The following CDH4 variants were observed in gnomAD, a reference collection of about 807,000 sequenced individuals.
CDH4 encodes cadherin 4.
In CDH4, 33 loss-of-function variants were observed where a neutral mutation model predicts 86.0. That is an observed-to-expected ratio of 0.38 (90% confidence interval 0.29 to 0.51). The LOEUF (loss-of-function observed/expected upper bound fraction) is 0.51, where lower values mean the gene tolerates loss of function less well. Among genes scored for constraint, CDH4 ranks in the 20% least tolerant of loss-of-function variants. The pLI, the probability that CDH4 is intolerant of heterozygous loss-of-function variation, is 0.86. For missense variants in CDH4, 1,114 were observed against 1,307.4 expected (o/e 0.85, Z 2.28); for synonymous variants, 555 against 549.4 (o/e 1.01, Z -0.14).
intron 2 of CDH4, among the ~76,000 whole-genome samples, chr20:61,690,313 G>T (rs771032885): frequency 1.8e-4 from 27 of 152,120 alleles, no homozygotes; most frequent in Non-Finnish European, 2.6e-4. Flanking sequence ...CGTGTGTATT[G>T]TCACTCCCGG....
chr20:61,326,433 A>G (rs2084537276), intron 2 of CDH4, among the ~76,000 whole-genome samples: 1 of 152,274 alleles, frequency 6.6e-6, no homozygotes, highest in Non-Finnish European at 1.5e-5. Flanking sequence ...AAATCCTCCG[A>G]TAGTCTAGCC....
intron 2 of CDH4, among the ~76,000 whole-genome samples, chr20:61,352,425 G>T (rs1228454033): frequency 6.6e-6 from 1 of 152,164 alleles, no homozygotes; most frequent in Non-Finnish European, 1.5e-5. Context: ...TTTCCACAAT[G>T]CAGTGAGCAC....
chr20:61,613,718 A>G (rs894879275), intron 2 of CDH4, among the ~76,000 whole-genome samples: 2 of 152,018 alleles, frequency 1.3e-5, no homozygotes, highest in African/African-American at 2.4e-5. Context: ...GTTCCCCTTC[A>G]CTGCTTTCTA....
chr20:61,282,903 TGTGGC>T (rs1168788942), intron 2 of CDH4, among the ~76,000 whole-genome samples: 4 of 151,552 alleles, frequency 2.6e-5, no homozygotes, highest in African/African-American at 9.8e-5. Flanking sequence ...ACGCGTGTGC[TGTGGC>T]GTGTGTGATG....
At chr20:61,557,742 G>A (rs542800218) in intron 2 of CDH4, among the ~76,000 whole-genome samples, 39 of 141,370 alleles carry the variant, frequency 2.8e-4, no homozygotes, top group African/African-American at 7.7e-4. Context: ...GAGAAGGCTC[G>A]TTAAGGGCGT....
chr20:61,606,270 G>A (rs964562666), intron 2 of CDH4, among the ~76,000 whole-genome samples: 5 of 152,208 alleles, frequency 3.3e-5, no homozygotes, highest in African/African-American at 9.6e-5. Flanking sequence ...CCTCTGTGCC[G>A]GGCTCACTTC....
At chr20:61,683,768 T>C (rs1449366792) in intron 2 of CDH4, among the ~76,000 whole-genome samples, 1 of 152,264 alleles carries the variant, frequency 6.6e-6, no homozygotes, top group Non-Finnish European at 1.5e-5. Context: ...TCCTCTTCCT[T>C]CAAGCCAGGC....
At chr20:61,867,141 G>A (rs1297738255) in intron 6 of CDH4, among the ~76,000 whole-genome samples, 2 of 152,254 alleles carry the variant, frequency 1.3e-5, no homozygotes, top group Admixed American at 6.5e-5. Flanking sequence ...CTGGGCGCAT[G>A]CATGTTTGAC....
intron 9 of CDH4, among the ~76,000 whole-genome samples, chr20:61,917,819 A>C (rs113775234): frequency 2.0e-5 from 3 of 152,258 alleles, no homozygotes; most frequent in African/African-American, 7.2e-5. Context: ...TGATTTCTCC[A>C]TTACAAATGT....
intron 4 of CDH4, among the ~76,000 whole-genome samples, chr20:61,804,400 C>G (rs1389204222): frequency 6.6e-6 from 1 of 152,224 alleles, no homozygotes; most frequent in African/African-American, 2.4e-5. Context: ...GACCACCCCT[C>G]TCCGCCGTCC....
intron 5 of CDH4, among the ~76,000 whole-genome samples, chr20:61,850,051 C>T (rs1029195581): frequency 1.3e-5 from 2 of 152,196 alleles, no homozygotes; most frequent in African/African-American, 2.4e-5. Flanking sequence ...CACGTGTCAC[C>T]CTAAAGCCAG....
intron 2 of CDH4, among the ~76,000 whole-genome samples, chr20:61,702,371 A>G (rs1183646859): frequency 6.6e-6 from 1 of 152,218 alleles, no homozygotes; most frequent in Non-Finnish European, 1.5e-5. Flanking sequence ...TAGACGAGGC[A>G]GGAGCCACGT....
At chr20:61,821,173 C>A (rs1332273205) in intron 4 of CDH4, among the ~76,000 whole-genome samples, 2 of 150,284 alleles carry the variant, frequency 1.3e-5, no homozygotes, top group African/African-American at 2.5e-5. Flanking sequence ...ACACAGCCCC[C>A]ACCCCAGCCC....
At chr20:61,604,934 C>T (rs2086631171) in intron 2 of CDH4, among the ~76,000 whole-genome samples, 1 of 152,064 alleles carries the variant, frequency 6.6e-6, no homozygotes, top group Admixed American at 6.5e-5. Context: ...TTCCTGCTGT[C>T]ACCATCACCA....
intron 2 of CDH4, among the ~76,000 whole-genome samples, chr20:61,404,051 C>T (rs1030153517): frequency 2.0e-5 from 3 of 152,148 alleles, no homozygotes; most frequent in East Asian, 3.9e-4. Context: ...TTTCACATGC[C>T]GTTGATCAGA....
rs180792665 is a variant in CDH4, at chr20:61,886,543, C to T, written c.1051-8367C>T. On this transcript the variant is annotated intron_variant, in intron 7 of 15. Transcript: ENST00000614565. ...ACAGGAGCATGCATCCAGCAGGGCA[C>T]ACCCAGCTGTGCAGGACTCCCGCTG... 3.3e-5 allele frequency among the ~76,000 whole-genome samples: 5 copies of T among 152,344 alleles called. No individual in the cohort carries two copies. In the East Asian group the frequency reaches 7.7e-4, roughly 24 times the overall value.
At chr20:61,697,799 G>C (rs576350734) in intron 2 of CDH4, among the ~76,000 whole-genome samples, 1 of 152,328 alleles carries the variant, frequency 6.6e-6, no homozygotes, top group South Asian at 2.1e-4. Flanking sequence ...TCCTCTGTCC[G>C]AGAAGTGCTG....
At chr20:61,484,441 G>A (rs777923087) in intron 2 of CDH4, among the ~76,000 whole-genome samples, 1 of 152,144 alleles carries the variant, frequency 6.6e-6, no homozygotes. Flanking sequence ...GAGCTGCATC[G>A]CTGTTTCTCC....
intron 6 of CDH4, among the ~76,000 whole-genome samples, chr20:61,870,632 C>T (rs1983763599): frequency 6.6e-6 from 1 of 152,146 alleles, no homozygotes; most frequent in African/African-American, 2.4e-5. Context: ...TGCCGGGGGC[C>T]ACGGGTGGAG....
Sources: gnomAD v4.1 joint callset for allele counts (sites outside exome capture counted in the v4.1 genomes callset) on GRCh38, gnomAD v4.1.1 for gene constraint, MANE v1.5 for transcripts, NCBI Gene and HGNC (gene_info 2026-07-23, HGNC 2026-07-21) for gene names.